The following GALNT17 variants were observed in gnomAD, a reference collection of about 807,000 sequenced individuals.
The protein encoded by GALNT17 is polypeptide N-acetylgalactosaminyltransferase 17.
Under a neutral mutation model 63.7 loss-of-function variants are expected in GALNT17, and 29 were observed. That is an observed-to-expected ratio of 0.46 (90% CI 0.34 to 0.62). The LOEUF (loss-of-function observed/expected upper bound fraction) is 0.62, where lower values mean the gene tolerates loss of function less well. Ranked by LOEUF, GALNT17 falls within the 20% of genes least tolerant of loss-of-function variation. GALNT17 has a pLI of 0.01. For synonymous variants in GALNT17, 305 were observed against 318.3 expected, an observed-to-expected ratio of 0.96 and a Z score of 0.45; for missense variants, 603 against 799.6, an observed-to-expected ratio of 0.75 and a Z score of 2.97.
intron 1 of GALNT17, among the ~76,000 whole-genome samples, chr7:71,271,432 A>G (rs1790585712): frequency 6.6e-6 from 1 of 152,164 alleles, no homozygotes; most frequent in Non-Finnish European, 1.5e-5. Flanking sequence ...GGGCCTGTTC[A>G]TCCATCCCGG....
intron 6 of GALNT17, among the ~76,000 whole-genome samples, chr7:71,617,315 G>A (rs1790226993): frequency 6.8e-6 from 1 of 147,476 alleles, no homozygotes; most frequent in African/African-American, 2.5e-5. Flanking sequence ...AGGGGCGGGG[G>A]GGGTTGGTTT....
chr7:71,596,643 G>A (rs1003173072), intron 6 of GALNT17, among the ~76,000 whole-genome samples: 2 of 152,022 alleles, frequency 1.3e-5, no homozygotes, highest in Non-Finnish European at 2.9e-5. Context: ...CTGTGCAATG[G>A]AAGATGTGGT....
chr7:71,593,006 G>T (rs1190214970), intron 6 of GALNT17, among the ~76,000 whole-genome samples: 3 of 151,978 alleles, frequency 2.0e-5, no homozygotes, highest in South Asian at 2.1e-4. Context: ...AAAATTAGCT[G>T]GGTGTAGTGG....
chr7:71,652,308 T>TAAA (rs1384370951), intron 6 of GALNT17, among the ~76,000 whole-genome samples: 1 of 152,128 alleles, frequency 6.6e-6, no homozygotes, highest in Non-Finnish European at 1.5e-5. Context: ...GTCAATCCCA[T>TAAA]TTCTGAGAAG....
intron 6 of GALNT17, among the ~76,000 whole-genome samples, chr7:71,599,536 C>A (rs983657957): frequency 2.6e-5 from 4 of 152,052 alleles, no homozygotes; most frequent in African/African-American, 4.8e-5. Context: ...TCTACTGGAG[C>A]AGCTCTGAAT....
chr7:71,168,903 T>C (rs1196334204), intron 1 of GALNT17, among the ~76,000 whole-genome samples: 1 of 152,188 alleles, frequency 6.6e-6, no homozygotes, highest in Non-Finnish European at 1.5e-5. Flanking sequence ...ATCTTTTAAA[T>C]GTATTGTTGA....
intron 1 of GALNT17, among the ~76,000 whole-genome samples, chr7:71,198,357 G>T (rs1196464034): frequency 6.6e-6 from 1 of 152,118 alleles, no homozygotes; most frequent in Non-Finnish European, 1.5e-5. Flanking sequence ...GTGAGTATTT[G>T]GGCATTGCTG....
intron 1 of GALNT17, among the ~76,000 whole-genome samples, chr7:71,318,651 A>ATC (rs1791546292): frequency 6.6e-6 from 1 of 151,852 alleles, no homozygotes; most frequent in African/African-American, 2.4e-5. Context: ...GATGGTCTCA[A>ATC]TCTCTTGACC....
chr7:71,503,956 C>T (rs7805472), intron 5 of GALNT17, among the ~76,000 whole-genome samples: 88,709 of 151,232 alleles, frequency 0.59, 27,580 homozygotes, highest in Non-Finnish European at 0.71. Context: ...TGGCCAGGCG[C>T]GGTGGCTCAC....
intron 1 of GALNT17, among the ~76,000 whole-genome samples, chr7:71,249,540 A>G (rs747481011): frequency 6.6e-6 from 1 of 152,236 alleles, no homozygotes; most frequent in Non-Finnish European, 1.5e-5. Flanking sequence ...TTATTTTCCA[A>G]TATGGTTTAT....
chr7:71,357,078 G>C (rs1792300350), intron 2 of GALNT17, among the ~76,000 whole-genome samples: 1 of 152,162 alleles, frequency 6.6e-6, no homozygotes, highest in Non-Finnish European at 1.5e-5. Flanking sequence ...GAGCCACCAT[G>C]CCTGGCCAGT....
chr7:71,601,916 A>G (rs2116935869), intron 6 of GALNT17, among the ~76,000 whole-genome samples: 1 of 152,348 alleles, frequency 6.6e-6, no homozygotes, highest in Middle Eastern at 3.4e-3. Context: ...AAATCATGAT[A>G]TGACTTTCTC....
chr7:71,647,764 A>G (rs1332828422), intron 6 of GALNT17, among the ~76,000 whole-genome samples: 4 of 152,094 alleles, frequency 2.6e-5, no homozygotes, highest in Non-Finnish European at 4.4e-5. Flanking sequence ...CACTGACACC[A>G]CCTGACAGCA....
intron 2 of GALNT17, among the ~76,000 whole-genome samples, chr7:71,352,841 G>T (rs1042325222): frequency 6.6e-6 from 1 of 152,084 alleles, no homozygotes; most frequent in African/African-American, 2.4e-5. Flanking sequence ...AAGAAGTGAC[G>T]TGGAAGCCAG....
At chr7:71,499,178 C>A (rs186915132) in intron 5 of GALNT17, among the ~76,000 whole-genome samples, 7 of 152,110 alleles carry the variant, frequency 4.6e-5, no homozygotes, top group African/African-American at 1.7e-4. Flanking sequence ...ATTCTCAGAC[C>A]GTCATCCCCT....
intron 1 of GALNT17, among the ~76,000 whole-genome samples, chr7:71,147,735 G>A (rs1401764547): frequency 6.6e-6 from 1 of 151,758 alleles, no homozygotes; most frequent in Non-Finnish European, 1.5e-5. Context: ...AGGTTCCATC[G>A]ATTCTCCTGC....
chr7:71,548,039 C>G (rs1789015021), intron 5 of GALNT17, among the ~76,000 whole-genome samples: 1 of 151,768 alleles, frequency 6.6e-6, no homozygotes, highest in African/African-American at 2.4e-5. Context: ...ACCAGCCTGA[C>G]CAACATGGTG....
At chr7:71,301,573 A>C (rs992592777) in intron 1 of GALNT17, among the ~76,000 whole-genome samples, 10 of 151,734 alleles carry the variant, frequency 6.6e-5, no homozygotes, top group Admixed American at 6.6e-4. Context: ...CTGATGTATA[A>C]TTTCAGTTAA....
intron 1 of GALNT17, among the ~76,000 whole-genome samples, chr7:71,208,284 G>A (rs1789311532): frequency 6.6e-6 from 1 of 152,076 alleles, no homozygotes. Context: ...AAACACAACA[G>A]ATGCCTGCTC....
Sources: allele counts gnomAD v4.1 joint callset (sites outside exome capture counted in the v4.1 genomes callset), GRCh38; gene constraint gnomAD v4.1.1; transcripts MANE v1.5; gene names NCBI Gene and HGNC (gene_info 2026-07-23, HGNC 2026-07-21).